PIWIL1: variants seen among roughly 807,000 people sequenced by gnomAD.
The protein encoded by PIWIL1 is piwi-like protein 1.
PIWIL1 carries 73 observed loss-of-function variants against 114.4 expected under a neutral mutation model. The observed-to-expected ratio is 0.64, with a 90% CI of 0.53 to 0.78. The LOEUF is 0.78. Ranked by LOEUF, PIWIL1 falls within the 30% of genes least tolerant of loss-of-function variation. The pLI, the probability that PIWIL1 is intolerant of heterozygous loss-of-function variation, is 0.00. For missense variants in PIWIL1, 723 were observed against 1,063.1 expected, an observed-to-expected ratio of 0.68 and a Z score of 4.45; for synonymous variants, 375 against 369.0, an observed-to-expected ratio of 1.02 and a Z score of -0.19.
intron 12 of PIWIL1, among the ~76,000 whole-genome samples, chr12:130,356,501 CT>C (rs1460093832): frequency 6.7e-6 from 1 of 149,630 alleles, no homozygotes; most frequent in Non-Finnish European, 1.5e-5. Context: ...CACTTTCTGT[CT>C]TGCTGTCAGA....
At chr12:130,415,420 T>C in the PIWIL1 span, among the ~76,000 whole-genome samples, 1 of 152,180 alleles carries the variant, frequency 6.6e-6, no homozygotes, top group African/African-American at 2.4e-5. Flanking sequence ...GTAAGAGGCA[T>C]CTGTGACAAA....
intron 9 of PIWIL1, among the ~76,000 whole-genome samples, chr12:130,353,396 GTTC>G (rs932113256): frequency 2.0e-5 from 3 of 148,950 alleles, no homozygotes; most frequent in Non-Finnish European, 3.0e-5. Context: ...TGGTTTTTTT[GTTC>G]TTCTGGTGTG....
rs759402323 is a variant in PIWIL1 at position 130,357,541 on chromosome 12, A to C, written c.1653A>C (p.Ala551=). 1 of 1,610,350 alleles carries C rather than the reference A, an allele frequency of 6.2e-7. No individual in the cohort carries two copies. Among genetic ancestry groups the C allele is most frequent in the East Asian group, 2.2e-5 (1 of 44,846 alleles). The change falls in exon 14 of 21, where the codon GCA becomes GCC. Residue 551 remains alanine, a synonymous_variant. Coordinates refer to ENST00000245255, the MANE Select transcript of PIWIL1 (RefSeq NM_004764.5). ...YLRVLQQKVT[A]DTQIVVCLLS... is the part of the protein sequence containing the mutation. ...GAGTCTTACAGCAAAAGGTCACAGCAGACACCCAGATAGTAAGTAACTAAT... is the reference window on the plus strand; with the variant it reads ...GAGTCTTACAGCAAAAGGTCACAGCCGACACCCAGATAGTAAGTAACTAAT...
the PIWIL1 span, among the ~76,000 whole-genome samples, chr12:130,409,373 C>A: frequency 0.26 from 32,515 of 124,064 alleles, 4,679 homozygotes; most frequent in Middle Eastern, 0.44. Context: ...GATGGACTCT[C>A]GCTCTGTCGC....
At chr12:130,400,759 AAAG>A in the PIWIL1 span, among the ~76,000 whole-genome samples, 1 of 152,226 alleles carries the variant, frequency 6.6e-6, no homozygotes, top group Non-Finnish European at 1.5e-5. Flanking sequence ...CAGAACATAT[AAAG>A]AACATCAAAA....
chr12:130,373,152 G>A (rs1284364147), downstream of PIWIL1, among the ~76,000 whole-genome samples: 2 of 152,212 alleles, frequency 1.3e-5, no homozygotes, highest in African/African-American at 4.8e-5. Context: ...TTCTAAGCAT[G>A]AGAAGACAAG....
At chr12:130,383,722 AT>A in the PIWIL1 span, 4 of 152,272 alleles carry the variant, frequency 2.6e-5, no homozygotes, top group East Asian at 5.8e-4. Flanking sequence ...TGGTTTTCAA[AT>A]TTTACGTAAT....
In PIWIL1 at chr12:130,358,038, G is replaced by C. The variant is rs191661567; in HGVS notation, c.1665+485G>C. ...CATCCACATCACCCCGAGGGGTCGGGATAGGGATGCAACCACTCTCCTAAG... is the reference window on the plus strand; with the variant it reads ...CATCCACATCACCCCGAGGGGTCGGCATAGGGATGCAACCACTCTCCTAAG... On this transcript the variant is annotated intron_variant, in intron 14 of 20. Transcript: ENST00000245255. Among the ~76,000 whole-genome samples, 22 of 152,286 alleles carry C rather than the reference G, an allele frequency of 1.4e-4. 1 individual carries two copies. In the South Asian group the frequency reaches 1.7e-3, roughly 11 times the overall value.
At chr12:130,423,656 C>CAAAAAA in the PIWIL1 span, among the ~76,000 whole-genome samples, 1 of 50,136 alleles carries the variant, frequency 2.0e-5, no homozygotes, top group Admixed American at 3.2e-4. Context: ...AAACAATATG[C>CAAAAAA]AAAAAAAAAA....
chr12:130,388,548 A>G, the PIWIL1 span, among the ~76,000 whole-genome samples: 7 of 152,242 alleles, frequency 4.6e-5, no homozygotes, highest in Non-Finnish European at 1.0e-4. Flanking sequence ...TAGGGAGAGT[A>G]AACAATCTTT....
At chr12:130,371,402 C>G in intron 20 of PIWIL1, 79 bp downstream of exon 20, 11 of 1,609,956 alleles carry the variant, frequency 6.8e-6, no homozygotes, top group Non-Finnish European at 9.3e-6. Context: ...GTTTAAAAGG[C>G]TTTTAGGGTT....
the PIWIL1 span, among the ~76,000 whole-genome samples, chr12:130,394,224 AC>A: frequency 8.5e-5 from 13 of 152,230 alleles, no homozygotes; most frequent in East Asian, 2.5e-3. Flanking sequence ...TTGTTGTTCT[AC>A]CATAAGCTCC....
the PIWIL1 span, chr12:130,412,864 T>C: frequency 6.9e-5 from 92 of 1,340,254 alleles, no homozygotes; most frequent in East Asian, 1.5e-3. Flanking sequence ...TGACGGTAAG[T>C]GAGTGTAGTC....
intron 16 of PIWIL1, among the ~76,000 whole-genome samples, 177 bp downstream of exon 16, chr12:130,361,778 A>G (rs980663016): frequency 6.6e-6 from 1 of 152,212 alleles, no homozygotes; most frequent in African/African-American, 2.4e-5. Context: ...TTCATCCTGT[A>G]TTCGTCAAAC....
At chr12:130,357,459 G>GGATTGTGTA in intron 13 of PIWIL1, 22 bp from the exon 14 acceptor site, 2 of 1,588,542 alleles carry the variant, frequency 1.3e-6, no homozygotes, top group Non-Finnish European at 1.7e-6. Context: ...TCTGAGTGTT[G>GGATTGTGTA]GATTGTGTAC....
At chr12:130,418,340 T>G in the PIWIL1 span, among the ~76,000 whole-genome samples, 4 of 152,188 alleles carry the variant, frequency 2.6e-5, no homozygotes, top group African/African-American at 4.8e-5. Flanking sequence ...CTGACTTTTT[T>G]CTAGTTTCAA....
At chr12:130,393,096 ACGTGTGTCCGT>A in the PIWIL1 span, among the ~76,000 whole-genome samples, 1 of 147,394 alleles carries the variant, frequency 6.8e-6, no homozygotes, top group African/African-American at 2.5e-5. Context: ...CACCGTCATC[ACGTGTGTCCGT>A]CAGTTACCTG....
intron 6 of PIWIL1, among the ~76,000 whole-genome samples, chr12:130,347,760 G>A (rs1053113150): frequency 7.2e-6 from 1 of 139,290 alleles, no homozygotes; most frequent in Admixed American, 6.9e-5. Context: ...TGAAAGCCAT[G>A]TCATCTCTTG....
chr12:130,377,658 C>T, the PIWIL1 span, among the ~76,000 whole-genome samples: 1 of 152,376 alleles, frequency 6.6e-6, no homozygotes, highest in Middle Eastern at 3.4e-3. Context: ...CCAGTCCATC[C>T]TGGCCATGTC....
Sources: allele counts gnomAD v4.1 joint callset (sites outside exome capture counted in the v4.1 genomes callset), GRCh38; gene constraint gnomAD v4.1.1; transcripts MANE v1.5; gene names NCBI Gene and HGNC (gene_info 2026-07-23, HGNC 2026-07-21).